Variants in SEMA3A observed in about 807,000 individuals in gnomAD.
SEMA3A encodes the protein semaphorin 3A.
A neutral mutation model predicts 97.9 loss-of-function variants in SEMA3A; 29 were observed. The observed-to-expected ratio is 0.30, with a 90% CI of 0.22 to 0.40. The LOEUF (loss-of-function observed/expected upper bound fraction) is 0.40. Among genes scored for constraint, SEMA3A ranks in the 10% least tolerant of loss-of-function variants. The pLI is 1.00. For synonymous variants in SEMA3A, 321 were observed against 323.7 expected (o/e 0.99, Z 0.09); for missense variants, 763 against 951.3 (o/e 0.80, Z 2.60).
In SEMA3A at chr7:84,150,459, T is replaced by G. The variant is rs1342319014; in HGVS notation, c.113-15508A>C. Among the ~76,000 whole-genome samples the G allele has an allele frequency of 3.9e-5, 6 of 152,302 alleles. No homozygotes were observed. The South Asian group carries it at 1.0e-3, about 26-fold the overall frequency. On this transcript the variant is annotated intron_variant, in intron 1 of 16. Coordinates refer to ENST00000265362, the MANE Select transcript of SEMA3A (RefSeq NM_006080.3). ...CAAGGGGTCCGGGAGTTCCCTTTCC[T>G]AATCAAAGAAAGGGGTGACGGACGG...
At chr7:83,991,999 C>A (rs1478446096) in intron 12 of SEMA3A, among the ~76,000 whole-genome samples, 1 of 142,052 alleles carries the variant, frequency 7.0e-6, no homozygotes, top group Admixed American at 7.2e-5. Context: ...AATTTCAGAT[C>A]CTGTTATTGG....
chr7:84,151,642 T>C (rs1372239491), intron 1 of SEMA3A, among the ~76,000 whole-genome samples: 11 of 151,938 alleles, frequency 7.2e-5, no homozygotes, highest in Non-Finnish European at 1.5e-4. Context: ...ATGGGGAGAA[T>C]GGAACCAAGT....
chr7:83,970,089 T>C (rs1788857434), intron 15 of SEMA3A, among the ~76,000 whole-genome samples: 1 of 152,148 alleles, frequency 6.6e-6, no homozygotes, highest in Admixed American at 6.6e-5. Flanking sequence ...TCTGAATGGT[T>C]AGAACAAAAT....
chr7:84,212,040 G>A (rs1032787620), intron 3 of SEMA3A, among the ~76,000 whole-genome samples: 1 of 152,148 alleles, frequency 6.6e-6, no homozygotes, highest in Non-Finnish European at 1.5e-5. Context: ...TATGGAAGAC[G>A]AATATTCGGG....
chr7:84,427,730 TGA>T (rs1397493317), intron 1 of SEMA3A, among the ~76,000 whole-genome samples: 1 of 151,614 alleles, frequency 6.6e-6, no homozygotes, highest in Non-Finnish European at 1.5e-5. Flanking sequence ...TTAGATGCTT[TGA>T]ATAAGAGCTA....
At chr7:84,154,696 A>AC (rs890006145) in intron 1 of SEMA3A, among the ~76,000 whole-genome samples, 10 of 151,442 alleles carry the variant, frequency 6.6e-5, no homozygotes, top group African/African-American at 2.4e-4. Context: ...AAAAACAAAA[A>AC]AAAAAAACAA....
intron 1 of SEMA3A, among the ~76,000 whole-genome samples, chr7:84,143,994 C>CAA (rs1554335122): frequency 0.01 from 1,432 of 137,570 alleles, 37 homozygotes; most frequent in African/African-American, 0.039. Context: ...CACACACACA[C>CAA]AATTTATTGT....
intron 5 of SEMA3A, among the ~76,000 whole-genome samples, chr7:84,053,169 C>T (rs1792768217): frequency 8.0e-6 from 1 of 125,416 alleles, no homozygotes; most frequent in African/African-American, 2.6e-5. Flanking sequence ...TGGTGTGGTG[C>T]CGAAAAAATG....
At chr7:84,205,839 G>A (rs1387344621) in intron 3 of SEMA3A, among the ~76,000 whole-genome samples, 3 of 152,116 alleles carry the variant, frequency 2.0e-5, no homozygotes, top group Non-Finnish European at 4.4e-5. Context: ...TTTCAAATGT[G>A]AATTCAATAA....
intron 4 of SEMA3A, among the ~76,000 whole-genome samples, chr7:84,092,528 T>G (rs1255882488): frequency 6.6e-6 from 1 of 152,092 alleles, no homozygotes; most frequent in Non-Finnish European, 1.5e-5. Flanking sequence ...AACATGCTAC[T>G]TTTTTTCAAT....
At chr7:84,080,026 A>C (rs905714296) in intron 4 of SEMA3A, among the ~76,000 whole-genome samples, 4 of 145,948 alleles carry the variant, frequency 2.7e-5, no homozygotes, top group Non-Finnish European at 6.0e-5. Context: ...TGCAGCCATA[A>C]AAAATGATGA....
chr7:84,364,124 T>C (rs1802787917), intron 2 of SEMA3A, among the ~76,000 whole-genome samples: 1 of 151,676 alleles, frequency 6.6e-6, no homozygotes. Flanking sequence ...TTAAATGACA[T>C]AATAAATATA....
chr7:84,109,961 C>T (rs1795228653), intron 4 of SEMA3A, among the ~76,000 whole-genome samples: 1 of 151,974 alleles, frequency 6.6e-6, no homozygotes, highest in African/African-American at 2.4e-5. Context: ...CTTTTCCATA[C>T]CACCAAATTA....
Position 84,203,521 on chromosome 7 carries a change from TA to T in SEMA3A, c.-82-8854del, listed in dbSNP as rs1562850339. On this transcript the variant is annotated intron_variant, in intron 3 of 3. Transcript: ENST00000424555. Reference sequence around the variant, plus strand: ...GTGTGTGTATATATATATATATATATATATATTTTTTTTTTTTTTTTTTTTC... The same window carrying T: ...GTGTGTGTATATATATATATATATATTATATTTTTTTTTTTTTTTTTTTTC... 2.9e-3 allele frequency among the ~76,000 whole-genome samples: 195 copies of T among 67,084 alleles called. 1 individual carries two copies. Among genetic ancestry groups the T allele is most frequent in the African/African-American group, 0.01 (166 of 16,324 alleles). The allele number at this position is 67,084 out of a possible 152,430, so 44.0% of individuals were successfully genotyped here.
At chr7:84,089,179 AAAG>A (rs1358879326) in intron 4 of SEMA3A, among the ~76,000 whole-genome samples, 1 of 152,286 alleles carries the variant, frequency 6.6e-6, no homozygotes, top group Admixed American at 6.5e-5. Context: ...ACTTCCCTTT[AAAG>A]AAGAATAGAA....
chr7:84,194,194 T>C (rs879803508), intron 1 of SEMA3A, among the ~76,000 whole-genome samples: 24 of 152,116 alleles, frequency 1.6e-4, no homozygotes, highest in Non-Finnish European at 3.2e-4. Flanking sequence ...AGGCATAAGA[T>C]AGGATAATAA....
intron 3 of SEMA3A, among the ~76,000 whole-genome samples, chr7:84,120,001 T>C (rs949041686): frequency 5.9e-5 from 9 of 152,060 alleles, no homozygotes; most frequent in Non-Finnish European, 1.3e-4. Flanking sequence ...AAGGATGCAA[T>C]TGAAATTTTC....
chr7:84,288,226 C>T (rs1800642487), intron 3 of SEMA3A, among the ~76,000 whole-genome samples: 1 of 152,082 alleles, frequency 6.6e-6, no homozygotes, highest in Non-Finnish European at 1.5e-5. Flanking sequence ...GCTGGGGCTA[C>T]AGGTGTGGCC....
chr7:84,008,775 G>A (rs1246521715), intron 9 of SEMA3A, among the ~76,000 whole-genome samples: 2 of 152,068 alleles, frequency 1.3e-5, no homozygotes. Flanking sequence ...CTTCTTTTCG[G>A]CTACATCAAT....
Sources: allele counts gnomAD v4.1 joint callset (sites outside exome capture counted in the v4.1 genomes callset), GRCh38; gene constraint gnomAD v4.1.1; transcripts MANE v1.5; gene names NCBI Gene and HGNC (gene_info 2026-07-23, HGNC 2026-07-21).